BMP2K: variants seen among roughly 807,000 people sequenced by gnomAD.
BMP2K encodes BMP-2-inducible protein kinase.
In BMP2K, 74 loss-of-function variants were observed where a neutral mutation model predicts 116.0. The ratio of observed to expected loss-of-function variants is 0.64; its 90% confidence interval spans 0.53 to 0.77. The LOEUF is 0.77. Among genes scored for constraint, BMP2K ranks in the 30% least tolerant of loss-of-function variants. BMP2K has a pLI of 0.00. For synonymous variants in BMP2K, 486 were observed against 502.5 expected, an observed-to-expected ratio of 0.97 and a Z score of 0.44; for missense variants, 1,365 against 1,403.6, an observed-to-expected ratio of 0.97 and a Z score of 0.44.
chr4:78,856,182 C>CT (rs1731499049), intron 7 of BMP2K, among the ~76,000 whole-genome samples: 1 of 151,912 alleles, frequency 6.6e-6, no homozygotes, highest in East Asian at 1.9e-4. Context: ...GGGTCAAATT[C>CT]TTTCTTTCTT....
At position 78,902,422 on chromosome 4, in the gene BMP2K, C is replaced by T. The variant is rs530821490; in HGVS notation, c.2063-8188C>T. On this transcript the variant is annotated intron_variant, in intron 15 of 15. Coordinates refer to ENST00000502613, the MANE Select transcript of BMP2K (RefSeq NM_198892.2). ...TACTCAAACCCTGTCACTTGGCCTGCCTTCTGAGAAGCAGTACAGATTTGA... is the reference window on the plus strand; with the variant it reads ...TACTCAAACCCTGTCACTTGGCCTGTCTTCTGAGAAGCAGTACAGATTTGA... 4.0e-5 allele frequency among the ~76,000 whole-genome samples: 6 copies of T among 149,726 alleles called. No homozygotes were observed. In the South Asian group the frequency reaches 6.3e-4, roughly 16 times the overall value.
chr4:78,826,384 G>C (rs1729876040), intron 2 of BMP2K, among the ~76,000 whole-genome samples: 1 of 152,004 alleles, frequency 6.6e-6, no homozygotes, highest in Non-Finnish European at 1.5e-5. Context: ...TGTATTTTTA[G>C]TAGAGACAGG....
chr4:78,835,584 G>A lies in BMP2K; in HGVS notation c.403+1897G>A, dbSNP rs1209283416. On this transcript the variant is annotated intron_variant, in intron 3 of 15. Coordinates refer to ENST00000502613, the MANE Select transcript of BMP2K (RefSeq NM_198892.2). ...GTGGAGCTTGCAATGAGCCGAGATCGCGCCACTGCACTCCAGCCTGGGCAC... is the reference window on the plus strand; with the variant it reads ...GTGGAGCTTGCAATGAGCCGAGATCACGCCACTGCACTCCAGCCTGGGCAC... 2.1e-4 allele frequency among the ~76,000 whole-genome samples: 31 copies of A among 146,662 alleles called. No individual in the cohort carries two copies. The Admixed American group carries it at 2.1e-3, about 10-fold the overall frequency.
At chr4:78,881,234 T>C (rs72862522) in intron 14 of BMP2K, among the ~76,000 whole-genome samples, 3,592 of 152,282 alleles carry the variant, frequency 0.024, 133 homozygotes, top group African/African-American at 0.081. Context: ...TGTATAAGCC[T>C]TTATGTCATG....
intron 3 of BMP2K, among the ~76,000 whole-genome samples, chr4:78,839,006 A>G (rs1358998732): frequency 6.6e-6 from 1 of 152,218 alleles, no homozygotes; most frequent in East Asian, 1.9e-4. Context: ...ATTAATTTTT[A>G]ATGTATGTTT....
At chr4:78,865,900 G>C (rs762365237) in intron 10 of BMP2K, 180 bp downstream of exon 10, 15 of 617,904 alleles carry the variant, frequency 2.4e-5, no homozygotes, top group Non-Finnish European at 4.1e-5. Flanking sequence ...ATTGTTGTAG[G>C]CAAAGGGAAG....
chr4:78,878,484 A>G (rs1314892343), intron 13 of BMP2K, among the ~76,000 whole-genome samples: 1 of 152,168 alleles, frequency 6.6e-6, no homozygotes, highest in Non-Finnish European at 1.5e-5. Flanking sequence ...AGAGAAGTTA[A>G]GGAACTTGCC....
intron 15 of BMP2K, among the ~76,000 whole-genome samples, chr4:78,907,464 C>T (rs1010602189): frequency 5.9e-5 from 9 of 152,106 alleles, no homozygotes; most frequent in African/African-American, 2.4e-5. Flanking sequence ...ATCTGTCCTA[C>T]GTTAAATGTT....
At chr4:78,893,647 C>T (rs1166282838) in intron 15 of BMP2K, among the ~76,000 whole-genome samples, 3 of 152,298 alleles carry the variant, frequency 2.0e-5, no homozygotes, top group East Asian at 1.9e-4. Context: ...ACTATGGCCT[C>T]GAACTCCTGG....
intron 15 of BMP2K, among the ~76,000 whole-genome samples, chr4:78,889,456 TA>T (rs966144135): frequency 2.2e-4 from 33 of 152,248 alleles, no homozygotes; most frequent in African/African-American, 7.2e-4. Context: ...AATATTAAGT[TA>T]AAAAATCTAA....
intron 1 of BMP2K, among the ~76,000 whole-genome samples, chr4:78,792,133 C>T (rs1481645620): frequency 3.9e-5 from 6 of 152,100 alleles, no homozygotes; most frequent in East Asian, 1.9e-4. Flanking sequence ...TAATAGCCAT[C>T]GTAATGAAGT....
At chr4:78,837,146 A>G (rs1281740448) in intron 3 of BMP2K, among the ~76,000 whole-genome samples, 3 of 151,342 alleles carry the variant, frequency 2.0e-5, no homozygotes, top group Non-Finnish European at 4.4e-5. Flanking sequence ...TAGCTCTTCT[A>G]TAGAATTTTG....
chr4:78,874,936 A>T (rs1166587368), intron 13 of BMP2K, among the ~76,000 whole-genome samples: 1 of 152,238 alleles, frequency 6.6e-6, no homozygotes, highest in African/African-American at 2.4e-5. Context: ...CACAAAAATC[A>T]TCTTGCATTC....
chr4:78,853,634 G>A (rs1041984837), intron 7 of BMP2K, among the ~76,000 whole-genome samples: 7 of 152,240 alleles, frequency 4.6e-5, no homozygotes, highest in African/African-American at 1.7e-4. Context: ...GAAGTACATT[G>A]CAGAGATTAA....
At position 78,819,768 on chromosome 4, in the gene BMP2K, C is replaced by G. The variant is rs188130243; in HGVS notation, c.179-6269C>G. On this transcript the variant is annotated intron_variant, in intron 1 of 15. Transcript: ENST00000502613. ...CATTTTTTTCCATCTTTCATTGATTCATTCATTCAATAAATAATATTGTAT... is the reference window on the plus strand; with the variant it reads ...CATTTTTTTCCATCTTTCATTGATTGATTCATTCAATAAATAATATTGTAT... Among the ~76,000 whole-genome samples the G allele has an allele frequency of 1.1e-3, 169 of 152,218 alleles. 4 individuals carry two copies. Among genetic ancestry groups the G allele is most frequent in the South Asian group, 0.011 (53 of 4,810 alleles).
chr4:78,888,919 TA>T (rs546265170), intron 15 of BMP2K, among the ~76,000 whole-genome samples: 20 of 151,778 alleles, frequency 1.3e-4, no homozygotes, highest in African/African-American at 3.6e-4. Context: ...ACAGTGGCCT[TA>T]AAAAAAATGC....
At chr4:78,838,552 G>T (rs189679596) in intron 3 of BMP2K, among the ~76,000 whole-genome samples, 21 of 152,258 alleles carry the variant, frequency 1.4e-4, no homozygotes, top group East Asian at 3.9e-4. Context: ...CTTCCATGGT[G>T]GGGGAGAGAT....
In BMP2K at chr4:78,776,653, C is replaced by T; in HGVS notation, c.110C>T (p.Ser37Leu). The stretch of plus-strand genomic sequence containing the variant: ...GGGGCCGGCTGCGGCTCCGGCGGCT[C>T]GTCCGTGGGGGTCCGGGTGTTCGCG... Reference protein sequence around the residue: ...GAGAGCGSGGSSVGVRVFAVG... With the variant: ...GAGAGCGSGGLSVGVRVFAVG... Residue 37 changes from serine to leucine, a missense_variant, in exon 1 of 16, where the codon TCG (serine) becomes TTG (leucine). By Grantham distance (145) the Ser-to-Leu change is moderately radical. Transcript: ENST00000502613. 1 of 1,228,448 alleles carries T rather than the reference C, an allele frequency of 8.1e-7. No homozygotes were observed. Among genetic ancestry groups the T allele is most frequent in the Non-Finnish European group, 1.0e-6 (1 of 981,482 alleles). 76.1% of individuals were successfully genotyped at this position (1,228,448 alleles called of 1,614,324 possible).
At chr4:78,816,554 A>T (rs972706826) in intron 1 of BMP2K, among the ~76,000 whole-genome samples, 2 of 152,204 alleles carry the variant, frequency 1.3e-5, no homozygotes, top group African/African-American at 2.4e-5. Context: ...TACAGAAAAC[A>T]TTTAATGGTA....
Sources: gnomAD v4.1 joint callset for allele counts (sites outside exome capture counted in the v4.1 genomes callset) on GRCh38, gnomAD v4.1.1 for gene constraint, MANE v1.5 for transcripts, NCBI Gene and HGNC (gene_info 2026-07-23, HGNC 2026-07-21) for gene names.